The following ULK4 variants were observed in gnomAD, a reference collection of about 807,000 sequenced individuals.
ULK4 encodes inactive serine/threonine-protein kinase ULK4.
A neutral mutation model predicts 160.6 loss-of-function variants in ULK4; 133 were observed. That is an observed-to-expected ratio of 0.83 (90% CI 0.72 to 0.96). ULK4 has a LOEUF of 0.96. ULK4 is among the 40% of genes least tolerant of loss of function. The probability of loss-of-function intolerance (pLI) is 0.00; values close to 1 mark genes in which losing one functional copy is unlikely to be tolerated. For synonymous variants in ULK4, 534 were observed against 539.8 expected (o/e 0.99, Z 0.15); for missense variants, 1,580 against 1,499.5 (o/e 1.05, Z -0.89).
chr3:41,563,988 C>G (rs2087696590), intron 32 of ULK4, among the ~76,000 whole-genome samples: 1 of 152,180 alleles, frequency 6.6e-6, no homozygotes, highest in South Asian at 2.1e-4. Context: ...TTCTCCCCAT[C>G]TTTGTGGTTT....
chr3:41,548,627 T>C lies in ULK4; in HGVS notation c.3226+17398A>G, dbSNP rs910892606. Among the ~76,000 whole-genome samples the C allele has an allele frequency of 2.6e-5, 4 of 152,080 alleles. No homozygotes were observed. In the East Asian group the frequency reaches 7.7e-4, roughly 29 times the overall value. ...CTCGCCACCACAATGCCATTGCAGA[T>C]GCCATGTACACTACCCAGAGGCAAA... is the stretch of plus-strand genomic sequence containing the variant. On this transcript the variant is annotated intron_variant, in intron 32 of 36. Transcript: ENST00000301831.
chr3:41,412,132 AT>A (rs1418059502), intron 34 of ULK4, among the ~76,000 whole-genome samples: 1 of 152,210 alleles, frequency 6.6e-6, no homozygotes, highest in African/African-American at 2.4e-5. Flanking sequence ...CACAAAATCT[AT>A]TGCAATTTTC....
chr3:41,831,042 T>G (rs1049601828), intron 18 of ULK4, among the ~76,000 whole-genome samples: 8 of 149,724 alleles, frequency 5.3e-5, no homozygotes, highest in Non-Finnish European at 8.9e-5. Flanking sequence ...ATTGATTTAT[T>G]TATTAGACAG....
chr3:41,769,485 T>C (rs1476567249), intron 21 of ULK4, among the ~76,000 whole-genome samples: 1 of 152,218 alleles, frequency 6.6e-6, no homozygotes, highest in Non-Finnish European at 1.5e-5. Flanking sequence ...AAATTCATCT[T>C]GTCATACAGC....
At chr3:41,368,697 T>C (rs1412411179) in intron 35 of ULK4, among the ~76,000 whole-genome samples, 1 of 152,232 alleles carries the variant, frequency 6.6e-6, no homozygotes, top group Non-Finnish European at 1.5e-5. Flanking sequence ...GGTCCATCCA[T>C]GTTGTAGCAT....
intron 31 of ULK4, among the ~76,000 whole-genome samples, chr3:41,575,780 TGC>T (rs2088168406): frequency 6.6e-6 from 1 of 152,360 alleles, no homozygotes; most frequent in Admixed American, 6.5e-5. Flanking sequence ...GGCAATGCGC[TGC>T]GAATGCCCTT....
At chr3:41,951,636 T>C (rs1171387565) in intron 2 of ULK4, among the ~76,000 whole-genome samples, 1 of 152,190 alleles carries the variant, frequency 6.6e-6, no homozygotes, top group Non-Finnish European at 1.5e-5. Flanking sequence ...GAAAACTGGA[T>C]ATCCACATGT....
chr3:41,522,865 T>C (rs1309168195), intron 32 of ULK4, among the ~76,000 whole-genome samples: 1 of 152,178 alleles, frequency 6.6e-6, no homozygotes. Context: ...AGGAACTGGG[T>C]AAGAACTGGT....
At chr3:41,311,125 C>T (rs1485390286) in intron 35 of ULK4, among the ~76,000 whole-genome samples, 1 of 152,046 alleles carries the variant, frequency 6.6e-6, no homozygotes, top group Non-Finnish European at 1.5e-5. Flanking sequence ...AGGTATTTTG[C>T]CAAACGTTAT....
At chr3:41,415,747 T>C (rs1359709973) in intron 34 of ULK4, among the ~76,000 whole-genome samples, 4 of 152,156 alleles carry the variant, frequency 2.6e-5, no homozygotes, top group Non-Finnish European at 5.9e-5. Context: ...CTCTTCACTA[T>C]TCAGATCACT....
At chr3:41,662,088 T>C (rs1287434184) in intron 30 of ULK4, among the ~76,000 whole-genome samples, 1 of 152,204 alleles carries the variant, frequency 6.6e-6, no homozygotes, top group Non-Finnish European at 1.5e-5. Flanking sequence ...CCAGGAAATA[T>C]ATAACTATCT....
chr3:41,681,384 A>T, intron 29 of ULK4, 124 bp downstream of exon 29: 1 of 1,363,068 alleles, frequency 7.3e-7, no homozygotes, highest in Non-Finnish European at 1.0e-6. Context: ...TATAATGAGT[A>T]CACAAGCATA....
At chr3:41,750,972 A>AAG (rs1370364164) in intron 22 of ULK4, among the ~76,000 whole-genome samples, 2 of 136,046 alleles carry the variant, frequency 1.5e-5, no homozygotes, top group South Asian at 5.1e-4. Flanking sequence ...AAAAAAAAAA[A>AAG]AGAGAGAGAG....
intron 2 of ULK4, among the ~76,000 whole-genome samples, chr3:41,954,401 A>C (rs1054570460): frequency 6.6e-6 from 1 of 151,436 alleles, no homozygotes; most frequent in African/African-American, 2.4e-5. Flanking sequence ...ACCCACCCCC[A>C]AAAAAAAGAA....
intron 35 of ULK4, among the ~76,000 whole-genome samples, chr3:41,252,785 A>G (rs1559488105): frequency 6.6e-6 from 1 of 152,142 alleles, no homozygotes. Flanking sequence ...GCTCAAAGAA[A>G]TAAATCTACA....
At chr3:41,267,199 T>C (rs911161053) in intron 35 of ULK4, among the ~76,000 whole-genome samples, 1 of 152,094 alleles carries the variant, frequency 6.6e-6, no homozygotes, top group Non-Finnish European at 1.5e-5. Context: ...GTGTGTGATG[T>C]TCCCCTCTCT....
intron 7 of ULK4, 65 bp downstream of exon 7, chr3:41,918,392 G>C: frequency 9.4e-7 from 1 of 1,061,406 alleles, no homozygotes; most frequent in Non-Finnish European, 1.4e-6. Flanking sequence ...GCAAACGTTG[G>C]ATAAAGGTAC....
intron 18 of ULK4, among the ~76,000 whole-genome samples, chr3:41,833,297 T>TTTTGTTTTTTTTTTTTG (rs2041654307): frequency 7.2e-6 from 1 of 138,990 alleles, no homozygotes. Flanking sequence ...TTTTTTTTTT[T>TTTTGTTTTTTTTTTTTG]TTTGTTTGTT....
intron 32 of ULK4, among the ~76,000 whole-genome samples, chr3:41,538,354 G>GT (rs77852612): frequency 0.45 from 68,186 of 151,606 alleles, 16,016 homozygotes; most frequent in Middle Eastern, 0.54. Context: ...TTTCCCTTTT[G>GT]TTTTTTTTCT....
Sources: gnomAD v4.1 joint callset for allele counts (sites outside exome capture counted in the v4.1 genomes callset) on GRCh38, gnomAD v4.1.1 for gene constraint, MANE v1.5 for transcripts, NCBI Gene and HGNC (gene_info 2026-07-23, HGNC 2026-07-21) for gene names.